PLB1: variants seen among roughly 807,000 people sequenced by gnomAD.
PLB1 encodes phospholipase B1.
A neutral mutation model predicts 227.4 loss-of-function variants in PLB1; 242 were observed. The observed-to-expected ratio is 1.06, with a 90% CI of 0.96 to 1.18. The LOEUF (loss-of-function observed/expected upper bound fraction) is 1.18. PLB1 is among the 50% of genes most tolerant of loss of function. The probability of loss-of-function intolerance (pLI) is 0.00; values close to 1 mark genes in which losing one functional copy is unlikely to be tolerated. For missense variants in PLB1, 1,858 were observed against 1,816.3 expected (o/e 1.02, Z -0.42); for synonymous variants, 757 against 682.2 (o/e 1.11, Z -1.71).
At chr2:28,590,479 C>G (rs927024865) in intron 29 of PLB1, among the ~76,000 whole-genome samples, 1 of 152,066 alleles carries the variant, frequency 6.6e-6, no homozygotes, top group African/African-American at 2.4e-5. Flanking sequence ...AGCGAGGAAT[C>G]GAGACCTAGA....
chr2:28,592,534 C>A, intron 31 of PLB1, 127 bp from the exon 32 acceptor site: 1 of 924,604 alleles, frequency 1.1e-6, no homozygotes, highest in Non-Finnish European at 1.8e-6. Flanking sequence ...GCACTGTGCA[C>A]ACCCAGCCCT....
At position 28,585,806 on chromosome 2, in the gene PLB1, A is replaced by T. The variant is rs368189170; in HGVS notation, c.1779A>T (p.Glu593Asp). Residue 593 changes from glutamate to aspartate, a missense_variant, in exon 26 of 58, where the codon GAA becomes GAT. Glu to Asp is a conservative substitution (Grantham distance 45). Transcript: ENST00000327757. The part of the protein sequence containing the change: ...CVLKFDDNST[E>D]LATLIEFNKK... ...TGAAGTTTGATGATAACTCAACAGA[A>T]CTTGCTACCCTCATCGAATTCAACA... The T allele has an allele frequency of 6.2e-7, 1 of 1,612,764 alleles. No individual in the cohort carries two copies. The highest frequency in any genetic ancestry group is 2.2e-5 in the East Asian group (1 of 44,880).
chr2:28,597,898 GC>G, intron 33 of PLB1, 106 bp from the exon 34 acceptor site: 5 of 1,073,346 alleles, frequency 4.7e-6, no homozygotes, highest in Non-Finnish European at 7.2e-6. Context: ...TCTCAAAGGT[GC>G]CGATGGGCAC....
intron 2 of PLB1, among the ~76,000 whole-genome samples, chr2:28,517,770 A>G (rs1669020270): frequency 6.6e-6 from 1 of 152,166 alleles, no homozygotes; most frequent in South Asian, 2.1e-4. Context: ...AATATATACA[A>G]AAGTTATCAT....
rs1449395121 is a variant in PLB1, at chr2:28,602,706, C to T, written c.2674-115C>T. The T allele has an allele frequency of 4.4e-6, 4 of 911,308 alleles. No homozygotes were observed. The African/African-American group carries it at 6.6e-5, about 15-fold the overall frequency. The allele number at this position is 911,308 out of a possible 1,614,324, so 56.5% of individuals were successfully genotyped here. A position where few individuals can be genotyped will look rare whatever the true frequency, so the allele number is the denominator to read the frequency against. ...GCCCTGTATAGACTCCTCCCCAGAA[C>T]TCAACTCCAGAAAGACCAAGCTGGA... On this transcript the variant is annotated intron_variant, in intron 38 of 57. Transcript: ENST00000327757.
rs143063044 is a variant in PLB1 at position 28,598,693 on chromosome 2, G to A, written c.2407G>A (p.Val803Met). The A allele has an allele frequency of 1.1e-4, 179 of 1,614,218 alleles. No individual in the cohort carries two copies. In the African/African-American group the frequency reaches 1.6e-3, roughly 14 times the overall value. The stretch of plus-strand genomic sequence containing the variant: ...TAACAGAAACCTCACAGGCTACGCC[G>A]TGGGCACGGGTGATGCCAATGACAC... ...EFNRNLTGYAVGTGDANDTNA... is the reference protein window; with the variant it reads ...EFNRNLTGYAMGTGDANDTNA... The change falls in exon 35 of 58, where the codon GTG (valine) becomes ATG (methionine). Residue 803 changes from valine (V) to methionine (M), a missense_variant. Coordinates refer to ENST00000327757, the MANE Select transcript of PLB1 (RefSeq NM_153021.5).
At chr2:28,616,636 CAT>C (rs1686239521) in intron 44 of PLB1, among the ~76,000 whole-genome samples, 1 of 152,212 alleles carries the variant, frequency 6.6e-6, no homozygotes, top group Non-Finnish European at 1.5e-5. Flanking sequence ...AGATATATCT[CAT>C]GTGCTGATGG....
At chr2:28,499,074 G>T (rs1193685973) in intron 1 of PLB1, among the ~76,000 whole-genome samples, 1 of 137,402 alleles carries the variant, frequency 7.3e-6, no homozygotes, top group Non-Finnish European at 1.5e-5. Context: ...TATTTTTGTT[G>T]TGTGGCAAGT....
chr2:28,623,830 G>A (rs533827108), intron 49 of PLB1, among the ~76,000 whole-genome samples: 14 of 152,314 alleles, frequency 9.2e-5, no homozygotes, highest in South Asian at 4.1e-4. Context: ...GGCTGGGTGC[G>A]GTGGCTCACG....
At chr2:28,537,046 G>C (rs766195666) in intron 9 of PLB1, among the ~76,000 whole-genome samples, 3 of 152,222 alleles carry the variant, frequency 2.0e-5, no homozygotes, top group Non-Finnish European at 4.4e-5. Flanking sequence ...GGTGATGTTT[G>C]ATGTCACGGT....
intron 36 of PLB1, 96 bp from the exon 37 acceptor site, chr2:28,601,156 G>T: frequency 1.9e-6 from 2 of 1,038,932 alleles, no homozygotes; most frequent in Non-Finnish European, 3.0e-6. Flanking sequence ...TTTCAAGTGG[G>T]CAAGGATGTT....
At chr2:28,601,490 C>CACACAG (rs1175428698) in intron 37 of PLB1, among the ~76,000 whole-genome samples, 158 bp downstream of exon 37, 5 of 151,960 alleles carry the variant, frequency 3.3e-5, no homozygotes, top group African/African-American at 1.2e-4. Flanking sequence ...CACACACACA[C>CACACAG]ACACACACAC....
Position 28,541,795 on chromosome 2 carries a change from C to A in PLB1, c.863C>A (p.Thr288Asn), listed in dbSNP as rs1212531635. Reference protein sequence around the residue: ...VVFQPFFYETTPSLHSEDPRL... With the variant: ...VVFQPFFYETNPSLHSEDPRL... ...TTCCAGCCTTTCTTCTATGAGACCA[C>A]CCCATCTCTACACTCGGTAAGTGGG... The change falls in exon 13 of 58, where the codon ACC becomes AAC. Residue 288 changes from threonine to asparagine, a missense_variant. Transcript: ENST00000327757. 1 of 1,610,492 alleles carries A rather than the reference C, an allele frequency of 6.2e-7. No homozygotes were observed. Among genetic ancestry groups the A allele is most frequent in the South Asian group, 1.1e-5 (1 of 90,934 alleles).
chr2:28,534,921 T>C (rs1014070364), intron 9 of PLB1, among the ~76,000 whole-genome samples: 1 of 152,138 alleles, frequency 6.6e-6, no homozygotes, highest in East Asian at 1.9e-4. Flanking sequence ...TAGATTCTTA[T>C]ACCAGTCTTT....
chr2:28,513,579 C>T (rs531592445), intron 1 of PLB1, among the ~76,000 whole-genome samples: 11 of 152,366 alleles, frequency 7.2e-5, no homozygotes, highest in African/African-American at 2.6e-4. Context: ...GCTGAGCCCA[C>T]TCTCTGTACT....
intron 25 of PLB1, among the ~76,000 whole-genome samples, chr2:28,583,776 C>T (rs1215930029): frequency 3.9e-5 from 6 of 152,008 alleles, no homozygotes; most frequent in Non-Finnish European, 8.8e-5. Context: ...GCATTACTCA[C>T]CTAGTTTTTG....
At chr2:28,501,085 T>G (rs1667043579) in intron 1 of PLB1, among the ~76,000 whole-genome samples, 1 of 152,244 alleles carries the variant, frequency 6.6e-6, no homozygotes, top group Non-Finnish European at 1.5e-5. Flanking sequence ...CTAGGCCCTT[T>G]CAGTGACAAA....
At chr2:28,548,714 G>A in intron 14 of PLB1, 146 bp from the exon 15 acceptor site, 1 of 746,498 alleles carries the variant, frequency 1.3e-6, no homozygotes, top group Non-Finnish European at 2.3e-6. Flanking sequence ...CTCAGACTCA[G>A]TAGTTTGGGG....
chr2:28,617,379 T>G (rs1282458520), intron 44 of PLB1, among the ~76,000 whole-genome samples: 2 of 152,246 alleles, frequency 1.3e-5, no homozygotes, highest in East Asian at 3.8e-4. Flanking sequence ...TGTGTTCCTT[T>G]GGGAGACCCA....
Sources: gnomAD v4.1 joint callset for allele counts (sites outside exome capture counted in the v4.1 genomes callset) on GRCh38, gnomAD v4.1.1 for gene constraint, MANE v1.5 for transcripts, NCBI Gene and HGNC (gene_info 2026-07-23, HGNC 2026-07-21) for gene names.